The following OSBPL9 variants were observed in gnomAD, a reference collection of about 807,000 sequenced individuals.
The protein encoded by OSBPL9 is oxysterol-binding protein-related protein 9.
OSBPL9 carries 40 observed loss-of-function variants against 106.6 expected under a neutral mutation model. That is an observed-to-expected ratio of 0.38 (90% CI 0.29 to 0.49). The LOEUF (loss-of-function observed/expected upper bound fraction) is 0.49. Among genes scored for constraint, OSBPL9 ranks in the 20% least tolerant of loss-of-function variants. OSBPL9 has a pLI of 0.97. For synonymous variants in OSBPL9, 269 were observed against 295.4 expected (o/e 0.91, Z 0.92); for missense variants, 609 against 887.2 (o/e 0.69, Z 3.98).
At chr1:51,653,578 G>A (rs999707120) in intron 2 of OSBPL9, among the ~76,000 whole-genome samples, 4 of 152,218 alleles carry the variant, frequency 2.6e-5, no homozygotes, top group South Asian at 2.1e-4. Context: ...TCCCTTATAT[G>A]TCTCCTAAAG....
intron 1 of OSBPL9, among the ~76,000 whole-genome samples, chr1:51,647,962 A>G (rs1646273707): frequency 6.6e-6 from 1 of 152,120 alleles, no homozygotes; most frequent in Non-Finnish European, 1.5e-5. Flanking sequence ...TTCCCACTTC[A>G]TGGGGGTAAT....
chr1:51,616,014 T>G (rs1205413792), upstream of OSBPL9, among the ~76,000 whole-genome samples: 5 of 112,256 alleles, frequency 4.5e-5, no homozygotes, highest in South Asian at 2.5e-4. Context: ...TTTTTTTTTT[T>G]TTTTTTTTTT....
At chr1:51,607,154 T>TTTAC in intron 2 of OSBPL9, among the ~76,000 whole-genome samples, 1 of 150,022 alleles carries the variant, frequency 6.7e-6, no homozygotes, top group African/African-American at 2.5e-5. Flanking sequence ...TTTTCTTTTC[T>TTTAC]TTTCTTTTTC....
chr1:51,675,522 A>G (rs907640578), intron 3 of OSBPL9, among the ~76,000 whole-genome samples: 1 of 152,126 alleles, frequency 6.6e-6, no homozygotes, highest in Admixed American at 6.6e-5. Flanking sequence ...GATTAAAGCC[A>G]TGGTAGTCTT....
At chr1:51,677,170 C>T (rs1342948972) in intron 3 of OSBPL9, among the ~76,000 whole-genome samples, 1 of 152,224 alleles carries the variant, frequency 6.6e-6, no homozygotes, top group Non-Finnish European at 1.5e-5. Flanking sequence ...GATTCTTGCG[C>T]TCTGCCCCTC....
In OSBPL9 at chr1:51,788,163, CACACACACATATAT is replaced by C. The variant is rs1678148095; in HGVS notation, c.*376_*389del. The C allele has an allele frequency of 8.5e-6, 2 of 234,952 alleles. No individual in the cohort carries two copies. The highest frequency in any genetic ancestry group is 6.5e-5 in the South Asian group (1 of 15,282). The allele number at this position is 234,952 out of a possible 1,614,324, so 14.6% of individuals were successfully genotyped here. A position where few individuals can be genotyped will look rare whatever the true frequency, so the allele number is the denominator to read the frequency against. ...TTCATATAATCTCGGGATACACACA[CACACACACATATAT>C]ATACACACACATACGTATACACACA... is the stretch of plus-strand genomic sequence containing the variant. On this transcript the variant is annotated 3_prime_UTR_variant, in exon 24 of 24. Transcript: ENST00000428468.
chr1:51,566,210 A>G, the OSBPL9 span: 3 of 152,214 alleles, frequency 2.0e-5, no homozygotes, highest in Non-Finnish European at 4.4e-5. Flanking sequence ...TTGGAAAACA[A>G]TATCTAGCTG....
Position 51,776,391 on chromosome 1 carries a change from G to A in OSBPL9, c.1171-442G>A, listed in dbSNP as rs1294254358. On this transcript the variant is annotated intron_variant, in intron 14 of 23. Transcript: ENST00000428468. ...ATAATGGGACAATTAATAGTGGGAC[G>A]CTGAGCTTCATATTTCTTCACTGTA... Among the ~76,000 whole-genome samples the A allele has an allele frequency of 2.6e-5, 4 of 152,138 alleles. No homozygotes were observed. In the East Asian group the frequency reaches 5.8e-4, roughly 22 times the overall value.
chr1:51,776,803 CT>C, intron 14 of OSBPL9, 29 bp from the exon 15 acceptor site: 1 of 1,356,284 alleles, frequency 7.4e-7, no homozygotes, highest in Non-Finnish European at 1.0e-6. Context: ...GAAATTTGAT[CT>C]TCAAGGGTCA....
intron 3 of OSBPL9, among the ~76,000 whole-genome samples, chr1:51,695,404 C>T (rs1655815897): frequency 6.6e-6 from 1 of 152,086 alleles, no homozygotes; most frequent in African/African-American, 2.4e-5. Flanking sequence ...CACTGAGGAC[C>T]CCAATCTCGT....
chr1:51,586,418 A>G (rs1017736852), intron 1 of OSBPL9, among the ~76,000 whole-genome samples: 2 of 152,140 alleles, frequency 1.3e-5, no homozygotes, highest in Non-Finnish European at 2.9e-5. Flanking sequence ...CAAACATTCT[A>G]TGGATATATC....
chr1:51,752,459 C>T (rs531317656), intron 8 of OSBPL9: 42 of 451,920 alleles, frequency 9.3e-5, no homozygotes, highest in South Asian at 3.6e-4. Flanking sequence ...CAAGTTTACA[C>T]GATATATTTG....
At chr1:51,583,162 A>G (rs1645230180) in intron 1 of OSBPL9, among the ~76,000 whole-genome samples, 1 of 152,156 alleles carries the variant, frequency 6.6e-6, no homozygotes, top group African/African-American at 2.4e-5. Context: ...AATTAAACGT[A>G]GTAGGGTGTT....
chr1:51,738,792 T>C (rs760869452), intron 4 of OSBPL9, among the ~76,000 whole-genome samples: 7 of 152,164 alleles, frequency 4.6e-5, no homozygotes, highest in Non-Finnish European at 7.4e-5. Context: ...TATAGTATTA[T>C]CTAGTTCTTG....
intron 4 of OSBPL9, among the ~76,000 whole-genome samples, chr1:51,741,405 C>G (rs976316312): frequency 6.7e-6 from 1 of 149,954 alleles, no homozygotes; most frequent in Admixed American, 6.7e-5. Context: ...TTCCCTCCTT[C>G]CCTCCCTCCC....
intron 1 of OSBPL9, among the ~76,000 whole-genome samples, chr1:51,651,065 A>C (rs1432918941): frequency 6.6e-6 from 1 of 152,188 alleles, no homozygotes; most frequent in South Asian, 2.1e-4. Context: ...ACACAGGGTG[A>C]TGCATGCCAC....
At chr1:51,526,053 T>A in the OSBPL9 span, among the ~76,000 whole-genome samples, 1 of 152,170 alleles carries the variant, frequency 6.6e-6, no homozygotes. Context: ...ATTTTTGTAT[T>A]TTTTGTAGAG....
At chr1:51,714,418 AG>A (rs1318941210) in intron 4 of OSBPL9, among the ~76,000 whole-genome samples, 1 of 152,258 alleles carries the variant, frequency 6.6e-6, no homozygotes, top group Non-Finnish European at 1.5e-5. Context: ...GCATGATAAT[AG>A]GTAAATACTG....
chr1:51,655,532 T>A (rs1460130795), intron 2 of OSBPL9, among the ~76,000 whole-genome samples: 1 of 152,140 alleles, frequency 6.6e-6, no homozygotes, highest in Non-Finnish European at 1.5e-5. Flanking sequence ...TCGGATTAGG[T>A]CCACCAAATA....
Sources: allele counts gnomAD v4.1 joint callset (sites outside exome capture counted in the v4.1 genomes callset), GRCh38; gene constraint gnomAD v4.1.1; transcripts MANE v1.5; gene names NCBI Gene and HGNC (gene_info 2026-07-23, HGNC 2026-07-21).